Variants in ARHGAP42 observed in about 807,000 individuals in gnomAD.
The protein encoded by ARHGAP42 is Rho GTPase activating protein 42.
A neutral mutation model predicts 125.0 loss-of-function variants in ARHGAP42; 63 were observed. The observed-to-expected ratio is 0.50, with a 90% CI of 0.41 to 0.62. The LOEUF (loss-of-function observed/expected upper bound fraction) is 0.62, where lower values mean the gene tolerates loss of function less well. Among genes scored for constraint, ARHGAP42 ranks in the 20% least tolerant of loss-of-function variants. The pLI, the probability that ARHGAP42 is intolerant of heterozygous loss-of-function variation, is 0.00. For missense variants in ARHGAP42, 766 were observed against 1,024.2 expected, an observed-to-expected ratio of 0.75 and a Z score of 3.44; for synonymous variants, 339 against 351.0, an observed-to-expected ratio of 0.97 and a Z score of 0.38.
In ARHGAP42 at chr11:100,976,397, A is replaced by C; in HGVS notation, c.2196A>C (p.Arg732Ser). ...CTTATGGGCTTTCAGGACTGAAAAGAGCTTCTGCTTCTTCTCTCAGATCCA... is the reference window on the plus strand; with the variant it reads ...CTTATGGGCTTTCAGGACTGAAAAGCGCTTCTGCTTCTTCTCTCAGATCCA... ...KEPYGLSGLK[R>S]ASASSLRSIS... Residue 732 changes from arginine to serine, a missense_variant, in exon 20 of 24, where the codon AGA becomes AGC. This residue lies in a region of ARHGAP42 where 308 missense variants were observed against 369.7 expected (regional missense o/e 0.83). Transcript: ENST00000298815. The C allele has an allele frequency of 1.3e-6, 2 of 1,542,128 alleles. No individual in the cohort carries two copies. Among genetic ancestry groups the C allele is most frequent in the Non-Finnish European group, 1.7e-6 (2 of 1,144,400 alleles).
At chr11:100,834,539 C>A (rs1864735668) in intron 3 of ARHGAP42, among the ~76,000 whole-genome samples, 1 of 152,118 alleles carries the variant, frequency 6.6e-6, no homozygotes, top group Admixed American at 6.6e-5. Context: ...TCAAGTCAAG[C>A]CAATTAATGC....
At chr11:100,744,538 CTG>C (rs34640167) in intron 1 of ARHGAP42, among the ~76,000 whole-genome samples, 114 of 148,362 alleles carry the variant, frequency 7.7e-4, no homozygotes, top group South Asian at 2.1e-3. Flanking sequence ...ATATTTTACT[CTG>C]TGTGTGTGTG....
At chr11:100,869,744 T>C (rs887967650) in intron 4 of ARHGAP42, among the ~76,000 whole-genome samples, 2 of 152,172 alleles carry the variant, frequency 1.3e-5, no homozygotes, top group Non-Finnish European at 2.9e-5. Flanking sequence ...CATCCATGTA[T>C]AGATGATCAT....
intron 22 of ARHGAP42, among the ~76,000 whole-genome samples, chr11:100,984,941 C>T (rs79017099): frequency 0.039 from 5,905 of 152,212 alleles, 297 homozygotes; most frequent in African/African-American, 0.12. Flanking sequence ...GAGTTAACAC[C>T]TGCAGTTACA....
At chr11:100,813,323 C>G (rs868710505) in intron 3 of ARHGAP42, among the ~76,000 whole-genome samples, 1 of 152,188 alleles carries the variant, frequency 6.6e-6, no homozygotes, top group Non-Finnish European at 1.5e-5. Flanking sequence ...TGTCTCCAGA[C>G]ATTTTGTCCC....
At chr11:100,852,680 T>A (rs1865232219) in intron 3 of ARHGAP42, among the ~76,000 whole-genome samples, 2 of 152,108 alleles carry the variant, frequency 1.3e-5, no homozygotes, top group Admixed American at 1.3e-4. Flanking sequence ...TGTCTCTGAT[T>A]TTTGAGGTGG....
intron 4 of ARHGAP42, among the ~76,000 whole-genome samples, chr11:100,887,171 G>A (rs941281725): frequency 1.3e-5 from 2 of 152,142 alleles, no homozygotes; most frequent in Non-Finnish European, 2.9e-5. Context: ...TGCATTTCCA[G>A]TACTCAGAAA....
chr11:100,947,123 G>A (rs1219943541), intron 10 of ARHGAP42, among the ~76,000 whole-genome samples: 4 of 151,838 alleles, frequency 2.6e-5, no homozygotes, highest in African/African-American at 9.7e-5. Context: ...TCTTCAATGG[G>A]TGTGGAATTA....
At chr11:100,850,320 G>A (rs1449972900) in intron 3 of ARHGAP42, among the ~76,000 whole-genome samples, 1 of 152,180 alleles carries the variant, frequency 6.6e-6, no homozygotes, top group Non-Finnish European at 1.5e-5. Flanking sequence ...ATCTATACAG[G>A]ATATCACTGT....
At chr11:100,735,602 C>CTTTTTTT (rs58522622) in intron 1 of ARHGAP42, among the ~76,000 whole-genome samples, 168 of 72,988 alleles carry the variant, frequency 2.3e-3, no homozygotes, top group Non-Finnish European at 2.5e-3. Context: ...TTTACTTGTA[C>CTTTTTTT]TTTTTTTTTT....
chr11:100,884,440 G>A (rs934620373), intron 4 of ARHGAP42, among the ~76,000 whole-genome samples: 10 of 152,052 alleles, frequency 6.6e-5, no homozygotes, highest in African/African-American at 2.4e-4. Flanking sequence ...AACTGGGGGC[G>A]AACACTTAGT....
chr11:100,765,774 A>G (rs1465373783), intron 1 of ARHGAP42, among the ~76,000 whole-genome samples: 3 of 152,216 alleles, frequency 2.0e-5, no homozygotes, highest in East Asian at 3.8e-4. Context: ...TGCAACACAT[A>G]TATCGAGACA....
At chr11:100,950,801 C>A (rs1016964467) in intron 12 of ARHGAP42, among the ~76,000 whole-genome samples, 7 of 152,098 alleles carry the variant, frequency 4.6e-5, no homozygotes, top group Non-Finnish European at 1.0e-4. Context: ...TTATGTAATG[C>A]AATGGATTTT....
intron 1 of ARHGAP42, 30 bp downstream of exon 1, chr11:100,687,862 C>A: frequency 1.3e-6 from 2 of 1,529,366 alleles, no homozygotes; most frequent in Non-Finnish European, 1.8e-6. Context: ...GAGTGGACAC[C>A]CGCATCTGGA....
rs543806954 is a variant in ARHGAP42, at chr11:100,918,009, A to C, written c.487-3485A>C. Among the ~76,000 whole-genome samples, 6 of 152,256 alleles carry C rather than the reference A, an allele frequency of 3.9e-5. No homozygotes were observed. In the South Asian group the frequency reaches 1.2e-3, roughly 32 times the overall value. ...AGATAAGAGATCTTTTTATATTCAC[A>C]TGTACTTAGGCTACCACTTAATTAC... On this transcript the variant is annotated intron_variant, in intron 5 of 23. Coordinates refer to ENST00000298815, the MANE Select transcript of ARHGAP42 (RefSeq NM_152432.4).
At chr11:100,913,188 C>A (rs532388789) in intron 4 of ARHGAP42, among the ~76,000 whole-genome samples, 1 of 152,160 alleles carries the variant, frequency 6.6e-6, no homozygotes, top group African/African-American at 2.4e-5. Flanking sequence ...GTTCCATTTA[C>A]TCCAAAGGAG....
chr11:100,976,242 A>G lies in ARHGAP42; in HGVS notation c.2041A>G (p.Thr681Ala). ...TGGACAGAAAAGCCTTGGTCTGTGGACAACTAGTCCTGAATCAAGTTCCAG... is the reference window on the plus strand; with the variant it reads ...TGGACAGAAAAGCCTTGGTCTGTGGGCAACTAGTCCTGAATCAAGTTCCAG... ...SNGQKSLGLW[T>A]TSPESSSRED... Residue 681 changes from threonine (T) to alanine (A), a missense_variant, in exon 20 of 24, where the codon ACA (threonine) becomes GCA (alanine). Around this residue, in one of 3 missense-constraint regions of ARHGAP42, gnomAD observed 308 missense variants for 369.7 expected, o/e 0.83. Coordinates refer to ENST00000298815, the MANE Select transcript of ARHGAP42 (RefSeq NM_152432.4). 6.4e-7 allele frequency: 1 copy of G among 1,551,656 alleles called. No individual in the cohort carries two copies. The highest frequency in any genetic ancestry group is 8.7e-7 in the Non-Finnish European group (1 of 1,146,910).
chr11:100,710,248 G>A (rs1302931354), intron 1 of ARHGAP42, among the ~76,000 whole-genome samples: 1 of 151,434 alleles, frequency 6.6e-6, no homozygotes, highest in Non-Finnish European at 1.5e-5. Context: ...TATTTTTTTA[G>A]ACAGAGTCTC....
At chr11:100,903,647 G>A (rs1463081780) in intron 4 of ARHGAP42, among the ~76,000 whole-genome samples, 2 of 139,482 alleles carry the variant, frequency 1.4e-5, no homozygotes, top group Non-Finnish European at 3.1e-5. Flanking sequence ...TTGACACTTG[G>A]ATGCTGTATT....
Sources: gnomAD v4.1 joint callset for allele counts (sites outside exome capture counted in the v4.1 genomes callset) on GRCh38, gnomAD v4.1.1 for gene constraint, gnomAD v4.1.1 regional missense constraint, MANE v1.5 for transcripts, NCBI Gene and HGNC (gene_info 2026-07-23, HGNC 2026-07-21) for gene names.